Variants in UVSSA observed in about 807,000 individuals in gnomAD.
UVSSA encodes the protein UV stimulated scaffold protein A.
In UVSSA, 72 loss-of-function variants were observed where a neutral mutation model predicts 73.9. The observed-to-expected ratio is 0.97, with a 90% CI of 0.81 to 1.19. The LOEUF is 1.19. Ranked by LOEUF, UVSSA falls within the 50% of genes most tolerant of loss-of-function variation. The pLI, the probability that UVSSA is intolerant of heterozygous loss-of-function variation, is 0.00. For synonymous variants in UVSSA, 454 were observed against 391.3 expected (o/e 1.16, Z -1.89); for missense variants, 1,150 against 965.0 (o/e 1.19, Z -2.54).
chr4:1,389,884 C>G (rs1577394635), downstream of UVSSA: 1 of 152,302 alleles, frequency 6.6e-6, no homozygotes, highest in South Asian at 2.1e-4. Flanking sequence ...TCCCCTTAGT[C>G]TAGCTAAAGA....
upstream of UVSSA, among the ~76,000 whole-genome samples, chr4:1,346,961 G>A (rs1007021095): frequency 1.3e-5 from 2 of 152,248 alleles, no homozygotes; most frequent in Non-Finnish European, 2.9e-5. Flanking sequence ...CCTCGGCCGC[G>A]TCTTTGCGCC....
chr4:1,345,327 C>T (rs762951339), upstream of UVSSA, among the ~76,000 whole-genome samples: 3 of 152,044 alleles, frequency 2.0e-5, no homozygotes, highest in East Asian at 1.9e-4. Flanking sequence ...TTGGTCCAAG[C>T]GAACAGAAGG....
rs1720259309 is a variant in UVSSA, at chr4:1,387,867, C to T, written c.*1906C>T. ...TTGTTGTGAGAAGTTTTACTTTGTTCTGCTTCAAGGCTGTTTTGACTCTTC... is the reference window on the plus strand; with the variant it reads ...TTGTTGTGAGAAGTTTTACTTTGTTTTGCTTCAAGGCTGTTTTGACTCTTC... On this transcript the variant is annotated 3_prime_UTR_variant, in exon 14 of 14. Coordinates refer to ENST00000389851, the MANE Select transcript of UVSSA (RefSeq NM_020894.4). The T allele has an allele frequency of 2.0e-5, 3 of 151,418 alleles. No homozygotes were observed. Among genetic ancestry groups the T allele is most frequent in the Admixed American group, 2.0e-4 (3 of 15,192 alleles). The allele number at this position is 151,418 out of a possible 1,614,324, so 9.4% of individuals were successfully genotyped here.
intron 7 of UVSSA, among the ~76,000 whole-genome samples, chr4:1,363,692 CTTG>C (rs746677967): frequency 1.3e-5 from 2 of 152,206 alleles, no homozygotes; most frequent in South Asian, 4.1e-4. Context: ...AGGTCCGTGG[CTTG>C]TTGTTATTCA....
chr4:1,372,896 C>A (rs1230928827), intron 8 of UVSSA, among the ~76,000 whole-genome samples: 2 of 147,516 alleles, frequency 1.4e-5, no homozygotes, highest in African/African-American at 4.9e-5. Context: ...CACTCACCTC[C>A]CGCGTCTCTA....
At chr4:1,394,191 C>A in exon 14 of UVSSA, 1 of 491,754 alleles carries the variant, frequency 2.0e-6, no homozygotes, top group Non-Finnish European at 3.6e-6. Flanking sequence ...CCTGTGTGGG[C>A]ACAGCCTTCC....
chr4:1,351,978 G>A (rs897904687), intron 4 of UVSSA, 143 bp downstream of exon 4: 321 of 1,353,988 alleles, frequency 2.4e-4, no homozygotes, highest in Non-Finnish European at 3.0e-4. Flanking sequence ...AGGTCGGGCC[G>A]GAAGGCGTTC....
intron 7 of UVSSA, among the ~76,000 whole-genome samples, chr4:1,365,094 G>A (rs1391155253): frequency 1.3e-5 from 2 of 152,238 alleles, no homozygotes; most frequent in Non-Finnish European, 2.9e-5. Context: ...GGATGGAGCA[G>A]TTGATGCCCA....
chr4:1,369,523 G>A (rs1014534408), intron 8 of UVSSA, among the ~76,000 whole-genome samples: 1 of 152,268 alleles, frequency 6.6e-6, no homozygotes, highest in Non-Finnish European at 1.5e-5. Flanking sequence ...GGAGGAAACC[G>A]TGCTCTTTTT....
chr4:1,357,078 AG>A (rs1250536069), intron 7 of UVSSA: 72 of 147,538 alleles, frequency 4.9e-4, no homozygotes, highest in Admixed American at 3.6e-3. Flanking sequence ...GTTATTGGTG[AG>A]GGTCCATAGA....
chr4:1,373,961 G>A (rs893804450), intron 8 of UVSSA, among the ~76,000 whole-genome samples: 3 of 152,190 alleles, frequency 2.0e-5, no homozygotes, highest in Non-Finnish European at 4.4e-5. Context: ...TATGGTGCCC[G>A]TAGCTCCTGG....
At chr4:1,383,340 G>T (rs1477882495) in intron 12 of UVSSA, among the ~76,000 whole-genome samples, 1 of 152,218 alleles carries the variant, frequency 6.6e-6, no homozygotes, top group East Asian at 1.9e-4. Flanking sequence ...GCCACAGTTT[G>T]CCTAGTGGGG....
At chr4:1,362,495 A>G (rs1271282522) in intron 7 of UVSSA, among the ~76,000 whole-genome samples, 1 of 152,252 alleles carries the variant, frequency 6.6e-6, no homozygotes, top group East Asian at 1.9e-4. Context: ...TCGGGGTAAA[A>G]GCAGACTGCT....
intron 5 of UVSSA, among the ~76,000 whole-genome samples, chr4:1,353,813 G>A (rs1434265364): frequency 1.3e-5 from 2 of 152,192 alleles, no homozygotes; most frequent in Admixed American, 1.3e-4. Context: ...AGGCCTGTCA[G>A]GGTCCCGTGT....
intron 11 of UVSSA, chr4:1,380,535 A>C (rs1207214522): frequency 1.9e-6 from 2 of 1,042,478 alleles, no homozygotes; most frequent in Non-Finnish European, 1.3e-6. Flanking sequence ...TGGGCCTGGG[A>C]TCCTCAAAAG....
At chr4:1,356,056 G>C (rs1351179983) in intron 7 of UVSSA, among the ~76,000 whole-genome samples, 2 of 152,112 alleles carry the variant, frequency 1.3e-5, no homozygotes, top group African/African-American at 4.8e-5. Context: ...CGGCCACCCT[G>C]AGCTCCCACA....
intron 3 of UVSSA, 137 bp from the exon 4 acceptor site, chr4:1,351,578 A>G (rs1714757004): frequency 1.2e-6 from 1 of 853,896 alleles, no homozygotes; most frequent in Non-Finnish European, 1.7e-6. Context: ...TTTAGTAGAG[A>G]TGGGGTTTCA....
rs894095223 is a variant in UVSSA at position 1,368,009 on chromosome 4, G to A, written c.1288+1578G>A. Among the ~76,000 whole-genome samples the A allele has an allele frequency of 7.9e-5, 12 of 152,368 alleles. 2 individuals carry two copies. The highest frequency in any genetic ancestry group is 3.9e-4 in the East Asian group (2 of 5,184). Reference sequence around the variant, plus strand: ...GCAATCTCCTTCATGGCTCTTGGCCGCCCTCAGGTGGACCAGGCCGTGGGT... The same window carrying A: ...GCAATCTCCTTCATGGCTCTTGGCCACCCTCAGGTGGACCAGGCCGTGGGT... On this transcript the variant is annotated intron_variant, in intron 8 of 13. Coordinates refer to ENST00000389851, the MANE Select transcript of UVSSA (RefSeq NM_020894.4).
At chr4:1,355,497 T>C (rs1715584375) in intron 7 of UVSSA, among the ~76,000 whole-genome samples, 1 of 152,202 alleles carries the variant, frequency 6.6e-6, no homozygotes, top group South Asian at 2.1e-4. Flanking sequence ...GCAGAAGTGC[T>C]GAGTGCTGTG....
Sources: gnomAD v4.1 joint callset for allele counts (sites outside exome capture counted in the v4.1 genomes callset) on GRCh38, gnomAD v4.1.1 for gene constraint, MANE v1.5 for transcripts, NCBI Gene and HGNC (gene_info 2026-07-23, HGNC 2026-07-21) for gene names.